TAOK1: variants seen among roughly 807,000 people sequenced by gnomAD.
The protein encoded by TAOK1 is serine/threonine-protein kinase TAO1.
In TAOK1, 21 loss-of-function variants were observed where a neutral mutation model predicts 138.3. The observed-to-expected ratio is 0.15, with a 90% confidence interval of 0.11 to 0.22. The LOEUF is 0.22. Among genes scored for constraint, TAOK1 ranks in the 10% least tolerant of loss-of-function variants. The pLI, the probability that TAOK1 is intolerant of heterozygous loss-of-function variation, is 1.00. For missense variants in TAOK1, 651 were observed against 1,227.7 expected, an observed-to-expected ratio of 0.53 and a Z score of 7.02; for synonymous variants, 361 against 398.4, an observed-to-expected ratio of 0.91 and a Z score of 1.12.
chr17:29,452,058 A>T (rs1427382150), intron 2 of TAOK1, among the ~76,000 whole-genome samples: 2 of 151,990 alleles, frequency 1.3e-5, no homozygotes, highest in African/African-American at 4.8e-5. Flanking sequence ...TCTACAAAAA[A>T]TACAAAACTT....
At chr17:29,412,630 T>A (rs1007104808) in intron 1 of TAOK1, among the ~76,000 whole-genome samples, 1 of 152,224 alleles carries the variant, frequency 6.6e-6, no homozygotes, top group South Asian at 2.1e-4. Context: ...GTCCCTCCCA[T>A]TTAATGCCTA....
In TAOK1 at chr17:29,551,016, GA is replaced by G. The variant is rs2032484388; in HGVS notation, c.*8001del. The stretch of plus-strand genomic sequence containing the variant: ...TTGCTTTTTTATTTAAAAAAAAAAA[GA>G]AAAAAAGCTGTAACCTTATCATTTC... On this transcript the variant is annotated 3_prime_UTR_variant, in exon 20 of 20. Transcript: ENST00000261716. The G allele has an allele frequency of 6.9e-6, 1 of 145,156 alleles. No homozygotes were observed. The allele number at this position is 145,156 out of a possible 1,614,324, so 9.0% of individuals were successfully genotyped here.
intron 9 of TAOK1, among the ~76,000 whole-genome samples, chr17:29,490,865 A>G (rs2031283463): frequency 6.6e-6 from 1 of 152,200 alleles, no homozygotes; most frequent in South Asian, 2.1e-4. Flanking sequence ...GGGGAGAAAC[A>G]TTGTGTCCTC....
At chr17:29,491,951 T>C (rs1159511096) in intron 10 of TAOK1, 86 bp downstream of exon 10, 1 of 986,924 alleles carries the variant, frequency 1.0e-6, no homozygotes, top group East Asian at 2.6e-5. Flanking sequence ...AGTGGCACAA[T>C]CACGTCTCCT....
chr17:29,477,081 G>T (rs2030961159), intron 4 of TAOK1, among the ~76,000 whole-genome samples: 2 of 152,086 alleles, frequency 1.3e-5, no homozygotes, highest in African/African-American at 4.8e-5. Context: ...TCCTAACCTG[G>T]TGATCTGCCT....
At chr17:29,467,062 A>G (rs1320693519) in intron 2 of TAOK1, 83 bp from the exon 3 acceptor site, 2 of 1,048,980 alleles carry the variant, frequency 1.9e-6, no homozygotes, top group South Asian at 1.8e-5. Context: ...TAGTTTACAA[A>G]TGCTTTTATA....
rs112652993 is a variant in TAOK1, at chr17:29,516,013, A to G, written c.1705-1440A>G. Among the ~76,000 whole-genome samples, 163 of 148,642 alleles carry G rather than the reference A, an allele frequency of 1.1e-3. 1 individual carries two copies. Among genetic ancestry groups the G allele is most frequent in the African/African-American group, 3.8e-3 (155 of 40,550 alleles). ...CTCTTGTTGCCCAGGCTGGAGTGCAATGGTGCGATCTCGGCTCACTGCACT... is the reference window on the plus strand; with the variant it reads ...CTCTTGTTGCCCAGGCTGGAGTGCAGTGGTGCGATCTCGGCTCACTGCACT... On this transcript the variant is annotated intron_variant, in intron 15 of 19. Transcript: ENST00000261716.
intron 13 of TAOK1, among the ~76,000 whole-genome samples, chr17:29,504,430 G>A (rs1323821957): frequency 6.6e-6 from 1 of 152,056 alleles, no homozygotes; most frequent in East Asian, 1.9e-4. Flanking sequence ...AGCACTTTGG[G>A]AGGCTGAGGC....
rs2032083898 is a variant in TAOK1 at position 29,530,567 on chromosome 17, T to C, written c.2309T>C (p.Ile770Thr). 6.2e-7 allele frequency: 1 copy of C among 1,614,164 alleles called. No individual in the cohort carries two copies. The highest frequency in any genetic ancestry group is 1.1e-5 in the South Asian group (1 of 91,082). ...LKEEQTRKLA[I>T]LAEQYDHSIN... ...GAGGAACAGACCCGGAAATTAGCTATCTTGGCTGAGCAGTATGATCACAGC... is the reference window on the plus strand; with the variant it reads ...GAGGAACAGACCCGGAAATTAGCTACCTTGGCTGAGCAGTATGATCACAGC... Residue 770 changes from isoleucine (I) to threonine (T), a missense_variant, in exon 18 of 20, where the codon ATC becomes ACC. Ile to Thr is a moderately conservative substitution (Grantham distance 89). Coordinates refer to ENST00000261716, the MANE Select transcript of TAOK1 (RefSeq NM_020791.4).
In TAOK1 at chr17:29,416,914, A is replaced by G. The variant is rs575065932; in HGVS notation, c.-95+25890A>G. Among the ~76,000 whole-genome samples the G allele has an allele frequency of 2.7e-4, 41 of 152,252 alleles. 1 individual carries two copies. The South Asian group carries it at 7.9e-3, about 29-fold the overall frequency. On this transcript the variant is annotated intron_variant, in intron 1 of 19. Transcript: ENST00000261716. Reference sequence around the variant, plus strand: ...TTATCATATTTTCCCATCCCGCTTCATTATTTCTCAACCCAGCATCAAGGA... The same window carrying G: ...TTATCATATTTTCCCATCCCGCTTCGTTATTTCTCAACCCAGCATCAAGGA...
At chr17:29,472,886 AAAT>A (rs1165198171) in intron 3 of TAOK1, among the ~76,000 whole-genome samples, 9 of 152,286 alleles carry the variant, frequency 5.9e-5, no homozygotes, top group Admixed American at 5.9e-4. Context: ...GGCCTTTCTT[AAAT>A]AATAAGGCTT....
rs1217153139 is a variant in TAOK1 at position 29,543,025 on chromosome 17, T to TAAAAA, written c.*5_*6insAAAAA. 1.3e-6 allele frequency: 2 copies of TAAAAA among 1,557,928 alleles called. No homozygotes were observed. Among genetic ancestry groups the TAAAAA allele is most frequent in the African/African-American group, 2.7e-5 (2 of 73,484 alleles). On this transcript the variant is annotated 3_prime_UTR_variant, in exon 20 of 20. Coordinates refer to ENST00000261716, the MANE Select transcript of TAOK1 (RefSeq NM_020791.4). ...GGTCACACATGTCTTATACATAACT[T>TAAAAA]AATAATTGAGAGTGGCAATTCCGCT...
At chr17:29,414,987 G>A (rs187365664) in intron 1 of TAOK1, among the ~76,000 whole-genome samples, 38 of 151,802 alleles carry the variant, frequency 2.5e-4, no homozygotes, top group African/African-American at 7.5e-4. Flanking sequence ...GTGGAGGAAC[G>A]GAATTTCGCT....
intron 12 of TAOK1, among the ~76,000 whole-genome samples, chr17:29,501,451 A>G (rs912544791): frequency 6.6e-6 from 1 of 150,716 alleles, no homozygotes; most frequent in Non-Finnish European, 1.5e-5. Context: ...GATTATTCCC[A>G]CAATTAATTG....
chr17:29,405,046 C>G (rs1904953437), intron 1 of TAOK1, among the ~76,000 whole-genome samples: 1 of 152,134 alleles, frequency 6.6e-6, no homozygotes, highest in South Asian at 2.1e-4. Flanking sequence ...ATGGCATGAT[C>G]TCGGCTCACC....
chr17:29,433,011 C>T (rs1251016019), intron 1 of TAOK1, among the ~76,000 whole-genome samples: 2 of 152,260 alleles, frequency 1.3e-5, no homozygotes, highest in Admixed American at 6.5e-5. Flanking sequence ...CCTCCTGCCT[C>T]GGCCTTCGTA....
intron 1 of TAOK1, among the ~76,000 whole-genome samples, chr17:29,442,466 T>C (rs1368520324): frequency 6.6e-6 from 1 of 152,058 alleles, no homozygotes; most frequent in Non-Finnish European, 1.5e-5. Flanking sequence ...AGTGGCCATT[T>C]GTAACCTTAT....
chr17:29,526,977 T>C (rs1417579300), intron 17 of TAOK1, among the ~76,000 whole-genome samples: 1 of 151,970 alleles, frequency 6.6e-6, no homozygotes, highest in East Asian at 1.9e-4. Flanking sequence ...AATTAAAAAA[T>C]TAGCTGGGTG....
In TAOK1 at chr17:29,530,619, C is replaced by G. The variant is rs147661331; in HGVS notation, c.2361C>G (p.Ala787=). 3.2e-4 allele frequency: 511 copies of G among 1,613,638 alleles called. 1 individual carries two copies. In the African/African-American group the frequency reaches 5.6e-3, roughly 18 times the overall value. The part of the protein sequence containing the change: ...HSINEMLSTQ[A]LRLDEAQEAE... ...TTAATGAAATGCTCTCCACACAAGC[C>G]GTGAGTTTGCTTTTTTTGGGGCAAA... Residue 787 remains alanine (A), a splice_region_variant and synonymous_variant, in exon 18 of 20, where the codon GCC becomes GCG. Coordinates refer to ENST00000261716, the MANE Select transcript of TAOK1 (RefSeq NM_020791.4).
Sources: gnomAD v4.1 joint callset for allele counts (sites outside exome capture counted in the v4.1 genomes callset) on GRCh38, gnomAD v4.1.1 for gene constraint, MANE v1.5 for transcripts, NCBI Gene and HGNC (gene_info 2026-07-23, HGNC 2026-07-21) for gene names.